HFM1: variants seen among roughly 807,000 people sequenced by gnomAD.
HFM1 encodes the protein helicase for meiosis 1.
HFM1 carries 169 observed loss-of-function variants against 192.1 expected under a neutral mutation model. That is an observed-to-expected ratio of 0.88 (90% CI 0.78 to 1.00). The LOEUF (loss-of-function observed/expected upper bound fraction) is 1.00, where lower values mean the gene tolerates loss of function less well. Among genes scored for constraint, HFM1 ranks in the 50% least tolerant of loss-of-function variants. HFM1 has a pLI of 0.00. For missense variants in HFM1, 1,661 were observed against 1,668.0 expected (o/e 1.00, Z 0.07); for synonymous variants, 525 against 537.8 (o/e 0.98, Z 0.33).
chr1:91,360,210 T>C (rs1439216012), intron 13 of HFM1, among the ~76,000 whole-genome samples: 3 of 152,058 alleles, frequency 2.0e-5, no homozygotes, highest in Admixed American at 6.6e-5. Flanking sequence ...CAATCTTAAA[T>C]TGTAAATGGG....
chr1:91,378,227 A>T (rs1211294343), intron 10 of HFM1, 44 bp from the exon 11 acceptor site: 2 of 1,400,538 alleles, frequency 1.4e-6, no homozygotes, highest in Non-Finnish European at 1.9e-6. Context: ...TAGAATTAAA[A>T]ATACATTTAA....
At position 91,353,126 on chromosome 1, in the gene HFM1, G is replaced by A; in HGVS notation, c.1756C>T (p.His586Tyr). The A allele has an allele frequency of 6.2e-7, 1 of 1,610,442 alleles. No individual in the cohort carries two copies. The highest frequency in any genetic ancestry group is 1.1e-5 in the South Asian group (1 of 90,840). ...TCTGACAGCTCCATACCAGCATGAT[G>A]ATAAGCAGCACCATCTTTTAAGATA... Reference protein sequence around the residue: ...RDILKDGAAYHHAGMELSDRK... With the variant: ...RDILKDGAAYYHAGMELSDRK... The change falls in exon 15 of 39, where the codon CAT becomes TAT. Residue 586 changes from histidine to tyrosine, a missense_variant. His to Tyr is a moderately conservative substitution (Grantham distance 83). Coordinates refer to ENST00000370425, the MANE Select transcript of HFM1 (RefSeq NM_001017975.6).
chr1:91,272,100 T>C (rs1666360272), intron 34 of HFM1, among the ~76,000 whole-genome samples: 1 of 152,164 alleles, frequency 6.6e-6, no homozygotes, highest in Non-Finnish European at 1.5e-5. Flanking sequence ...AAAGCAGTAT[T>C]TGAATACATT....
chr1:91,324,269 G>A (rs982017016), intron 21 of HFM1, among the ~76,000 whole-genome samples: 3 of 152,068 alleles, frequency 2.0e-5, no homozygotes, highest in Admixed American at 2.0e-4. Flanking sequence ...GCAAGTACGT[G>A]GCACACATGC....
At chr1:91,334,048 G>A (rs1433856624) in intron 20 of HFM1, among the ~76,000 whole-genome samples, 5 of 152,180 alleles carry the variant, frequency 3.3e-5, no homozygotes, top group African/African-American at 4.8e-5. Context: ...ATATGCTTTA[G>A]TAGAGAGGAA....
At chr1:91,264,053 A>G (rs1459039716) in intron 36 of HFM1, among the ~76,000 whole-genome samples, 1 of 152,178 alleles carries the variant, frequency 6.6e-6, no homozygotes. Context: ...CAACCAAAGA[A>G]ACAAAGTGAT....
At chr1:91,309,667 T>C (rs1650151959) in intron 30 of HFM1, among the ~76,000 whole-genome samples, 1 of 152,172 alleles carries the variant, frequency 6.6e-6, no homozygotes, top group Admixed American at 6.5e-5. Context: ...ATATAAAGGA[T>C]AGAAAATTAG....
At chr1:91,333,723 T>C (rs1654156553) in intron 20 of HFM1, among the ~76,000 whole-genome samples, 2 of 152,202 alleles carry the variant, frequency 1.3e-5, no homozygotes, top group African/African-American at 4.8e-5. Flanking sequence ...TCATGAACTC[T>C]ATAAATATAT....
At chr1:91,392,588 GC>G (rs1376139253) in intron 4 of HFM1, among the ~76,000 whole-genome samples, 3 of 152,206 alleles carry the variant, frequency 2.0e-5, no homozygotes, top group Non-Finnish European at 2.9e-5. Context: ...ACACACCGGG[GC>G]CTGTCATGGG....
intron 30 of HFM1, among the ~76,000 whole-genome samples, chr1:91,288,982 G>C (rs1411628961): frequency 6.6e-6 from 1 of 150,698 alleles, no homozygotes; most frequent in East Asian, 2.0e-4. Context: ...CCTCCCGGAC[G>C]GGGCGGCTGG....
intron 30 of HFM1, 149 bp from the exon 31 acceptor site, chr1:91,277,211 AT>A (rs200596758): frequency 4.5e-3 from 1,902 of 424,936 alleles, no homozygotes; most frequent in East Asian, 5.8e-3. Context: ...AATCCACGTA[AT>A]TTTTTTTTTA....
chr1:91,279,287 TATTAGGCACTG>T (rs1667248654), intron 30 of HFM1, among the ~76,000 whole-genome samples: 1 of 152,202 alleles, frequency 6.6e-6, no homozygotes, highest in Non-Finnish European at 1.5e-5. Flanking sequence ...AGTGTGTTCC[TATTAGGCACTG>T]ACTGAAAGGC....
At chr1:91,276,799 A>C (rs1022129894) in intron 31 of HFM1, 56 bp from the exon 32 acceptor site, 22 of 947,514 alleles carry the variant, frequency 2.3e-5, no homozygotes, top group Non-Finnish European at 3.3e-5. Flanking sequence ...ATTCTTATAA[A>C]GTCAAATTTC....
chr1:91,264,741 TC>T (rs1665585634), intron 36 of HFM1, among the ~76,000 whole-genome samples: 1 of 152,074 alleles, frequency 6.6e-6, no homozygotes, highest in South Asian at 2.1e-4. Context: ...TGTTGGTATT[TC>T]TTCTGTTTTG....
intron 38 of HFM1, 131 bp from the exon 39 acceptor site, chr1:91,261,490 A>T: frequency 7.1e-6 from 3 of 424,654 alleles, no homozygotes; most frequent in Non-Finnish European, 1.2e-5. Flanking sequence ...TGTATCAAAT[A>T]AACTTCAGTA....
chr1:91,267,066 T>C (rs1185091262), intron 35 of HFM1, among the ~76,000 whole-genome samples: 2 of 152,170 alleles, frequency 1.3e-5, no homozygotes, highest in East Asian at 3.9e-4. Flanking sequence ...GACTGATTTA[T>C]TTCTGTCAGC....
Position 91,401,061 on chromosome 1 carries a change from G to C in HFM1, c.22C>G (p.Leu8Val). 6.4e-7 allele frequency: 1 copy of C among 1,552,578 alleles called. No homozygotes were observed. The highest frequency in any genetic ancestry group is 8.7e-7 in the Non-Finnish European group (1 of 1,153,958). MLKSNDC[L>V]FSLENLFFEK... ...AAAAACAAATTTTCCAAAGAAAACAGGCAATCATTTGATTTCAGCATTGTT... is the reference window on the plus strand; with the variant it reads ...AAAAACAAATTTTCCAAAGAAAACACGCAATCATTTGATTTCAGCATTGTT... The change falls in exon 2 of 39, where the codon CTG becomes GTG. Residue 8 changes from leucine (L) to valine (V), a missense_variant. By Grantham distance (32) the Leu-to-Val change is conservative. Transcript: ENST00000370425.
At chr1:91,331,948 T>C (rs942857472) in intron 20 of HFM1, among the ~76,000 whole-genome samples, 5 of 151,922 alleles carry the variant, frequency 3.3e-5, no homozygotes, top group African/African-American at 7.3e-5. Context: ...ATGAAAGAAA[T>C]TGAAGAGGAC....
At chr1:91,288,651 C>T (rs1452786568) in intron 30 of HFM1, among the ~76,000 whole-genome samples, 2 of 152,072 alleles carry the variant, frequency 1.3e-5, no homozygotes, top group Admixed American at 1.3e-4. Flanking sequence ...ATCCATTTAA[C>T]CCTCAGTGGA....
Sources: gnomAD v4.1 joint callset for allele counts (sites outside exome capture counted in the v4.1 genomes callset) on GRCh38, gnomAD v4.1.1 for gene constraint, MANE v1.5 for transcripts, NCBI Gene and HGNC (gene_info 2026-07-23, HGNC 2026-07-21) for gene names.